SVEP1: variants seen among roughly 807,000 people sequenced by gnomAD.
The protein encoded by SVEP1 is sushi, von Willebrand factor type A, EGF and pentraxin domain containing 1, also known as sushi, von Willebrand factor type A, EGF and pentraxin domain-containing protein 1.
A neutral mutation model predicts 367.3 loss-of-function variants in SVEP1; 164 were observed. The observed-to-expected ratio is 0.45, with a 90% confidence interval of 0.39 to 0.51. The LOEUF is 0.51. SVEP1 is among the 20% of genes least tolerant of loss of function. The pLI, the probability that SVEP1 is intolerant of heterozygous loss-of-function variation, is 0.00. For missense variants in SVEP1, 4,117 were observed against 4,425.3 expected, an observed-to-expected ratio of 0.93 and a Z score of 1.98; for synonymous variants, 1,666 against 1,611.6, an observed-to-expected ratio of 1.03 and a Z score of -0.81.
At chr9:110,484,377 G>A (rs1829245344) in intron 9 of SVEP1, among the ~76,000 whole-genome samples, 1 of 152,164 alleles carries the variant, frequency 6.6e-6, no homozygotes, top group Non-Finnish European at 1.5e-5. Flanking sequence ...CTGTGTTGCT[G>A]AGCACTGGAA....
At chr9:110,556,003 C>T (rs1362200025) in intron 1 of SVEP1, among the ~76,000 whole-genome samples, 1 of 152,272 alleles carries the variant, frequency 6.6e-6, no homozygotes, top group East Asian at 1.9e-4. Flanking sequence ...CTTTGTGAGA[C>T]ATTTAAGAAA....
intron 36 of SVEP1, among the ~76,000 whole-genome samples, chr9:110,423,168 T>TAAAAAAAAAAA: frequency 8.6e-4 from 89 of 103,582 alleles, no homozygotes; most frequent in Middle Eastern, 5.7e-3. Context: ...AAAAATAAAG[T>TAAAAAAAAAAA]AAAAAAAAAA....
chr9:110,491,345 T>C (rs1056554995), intron 8 of SVEP1, among the ~76,000 whole-genome samples: 6 of 152,022 alleles, frequency 3.9e-5, no homozygotes, highest in Non-Finnish European at 8.8e-5. Context: ...TTTTAAATTT[T>C]TTCTTTCAGA....
At chr9:110,515,276 CAA>C (rs1829784763) in intron 3 of SVEP1, among the ~76,000 whole-genome samples, 1 of 150,334 alleles carries the variant, frequency 6.7e-6, no homozygotes. Flanking sequence ...TGCAACCAAG[CAA>C]TGTGCATTTA....
At chr9:110,379,596 T>A in intron 43 of SVEP1, 79 bp from the exon 44 acceptor site, 1 of 1,424,794 alleles carries the variant, frequency 7.0e-7, no homozygotes, top group Non-Finnish European at 9.6e-7. Context: ...CAGAATGAAT[T>A]AAAGAGCAAA....
chr9:110,414,709 G>A (rs1352238929), intron 36 of SVEP1, among the ~76,000 whole-genome samples: 1 of 151,856 alleles, frequency 6.6e-6, no homozygotes, highest in African/African-American at 2.4e-5. Context: ...CATGTGCCTG[G>A]AGAGCTTTAT....
At position 110,375,464 on chromosome 9, in the gene SVEP1, CTAAAA is replaced by C; in HGVS notation, c.10505-6_10505-2del. ...TTCAGACAGGGAAGAATGCAGATTG[CTAAAA>C]AAAAAAAAAAAAAAAAAAAAAGGAG... On this transcript the variant is annotated splice_acceptor_variant and splice_polypyrimidine_tract_variant and intron_variant, in intron 45 of 47. Transcript: ENST00000374469. LOFTEE classifies it high-confidence loss of function. 1.0e-5 allele frequency: 4 copies of C among 399,080 alleles called. No individual in the cohort carries two copies. The highest frequency in any genetic ancestry group is 1.4e-5 in the Non-Finnish European group (4 of 294,602). The allele number at this position is 399,080 out of a possible 1,614,324, so 24.7% of individuals were successfully genotyped here. A position where few individuals can be genotyped will look rare whatever the true frequency, so the allele number is the denominator to read the frequency against.
At chr9:110,517,648 C>G (rs1295580498) in intron 3 of SVEP1, among the ~76,000 whole-genome samples, 2 of 146,582 alleles carry the variant, frequency 1.4e-5, no homozygotes, top group East Asian at 4.0e-4. Flanking sequence ...TGGTGCTTGA[C>G]TGTAGCCTCA....
Position 110,408,050 on chromosome 9 carries a change from C to T in SVEP1, c.7550G>A (p.Gly2517Glu). 6.2e-7 allele frequency: 1 copy of T among 1,613,940 alleles called. No individual in the cohort carries two copies. ...GKFSYTDLHYGQTVTYSCNRG... is the reference protein window; with the variant it reads ...GKFSYTDLHYEQTVTYSCNRG... ...GTTGCAAGAGTAGGTAACGGTCTGT[C>T]CATAGTGTAGGTCCGTGTAAGAGAA... The change falls in exon 38 of 48, where the codon GGA becomes GAA. Residue 2517 changes from glycine (G) to glutamate (E), a missense_variant. Transcript: ENST00000374469.
At chr9:110,532,288 G>A (rs1198792858) in intron 3 of SVEP1, among the ~76,000 whole-genome samples, 1 of 152,148 alleles carries the variant, frequency 6.6e-6, no homozygotes. Context: ...TATGGTAAGT[G>A]TGAACAGAGA....
intron 43 of SVEP1, among the ~76,000 whole-genome samples, chr9:110,380,131 G>A (rs1325059610): frequency 6.6e-6 from 1 of 152,130 alleles, no homozygotes; most frequent in Non-Finnish European, 1.5e-5. Flanking sequence ...TTTGGGATCT[G>A]TGATAGATTG....
At chr9:110,524,031 C>A (rs1476638384) in intron 3 of SVEP1, among the ~76,000 whole-genome samples, 1 of 152,048 alleles carries the variant, frequency 6.6e-6, no homozygotes, top group Non-Finnish European at 1.5e-5. Flanking sequence ...ATGCACAGCT[C>A]TACTTACATA....
At position 110,504,799 on chromosome 9, in the gene SVEP1, T is replaced by C. The variant is rs971693764; in HGVS notation, c.1304-1582A>G. On this transcript the variant is annotated intron_variant, in intron 5 of 47. Coordinates refer to ENST00000374469, the MANE Select transcript of SVEP1 (RefSeq NM_153366.4). The stretch of plus-strand genomic sequence containing the variant: ...CAGCTATACACAATTTCTAATTCCA[T>C]CTGCCCAGCATCCATTAACTCTTCC... Among the ~76,000 whole-genome samples the C allele has an allele frequency of 5.3e-5, 8 of 152,170 alleles. No homozygotes were observed. In the East Asian group the frequency reaches 1.5e-3, roughly 29 times the overall value.
intron 27 of SVEP1, among the ~76,000 whole-genome samples, chr9:110,437,539 T>G (rs1194737646): frequency 6.6e-6 from 1 of 152,218 alleles, no homozygotes; most frequent in Non-Finnish European, 1.5e-5. Flanking sequence ...CTCTCCTGGT[T>G]TTCTTTGAAC....
intron 1 of SVEP1, among the ~76,000 whole-genome samples, chr9:110,562,066 G>A (rs960159647): frequency 3.3e-5 from 5 of 152,028 alleles, no homozygotes; most frequent in African/African-American, 1.2e-4. Flanking sequence ...TGGACCCATA[G>A]GGACAGTACA....
At chr9:110,467,636 CTT>C (rs11366981) in intron 17 of SVEP1, among the ~76,000 whole-genome samples, 125 of 133,868 alleles carry the variant, frequency 9.3e-4, no homozygotes, top group East Asian at 1.3e-3. Context: ...GTCTTTTTTA[CTT>C]TTTTTTTTTT....
intron 35 of SVEP1, among the ~76,000 whole-genome samples, chr9:110,428,674 T>C (rs1319513572): frequency 6.6e-6 from 1 of 152,280 alleles, no homozygotes; most frequent in East Asian, 1.9e-4. Context: ...TCTTGGGCAT[T>C]TACCATTAGC....
chr9:110,390,563 G>C (rs1028396292), intron 40 of SVEP1, among the ~76,000 whole-genome samples: 4 of 151,020 alleles, frequency 2.6e-5, no homozygotes, highest in African/African-American at 9.7e-5. Flanking sequence ...AAACTATTTG[G>C]TTCACATGAT....
intron 10 of SVEP1, 58 bp downstream of exon 10, chr9:110,483,528 T>C: frequency 7.7e-7 from 1 of 1,303,912 alleles, no homozygotes; most frequent in Non-Finnish European, 1.0e-6. Flanking sequence ...AAAAAGCTTT[T>C]TAAAATAAAA....
Sources: allele counts gnomAD v4.1 joint callset (sites outside exome capture counted in the v4.1 genomes callset), GRCh38; gene constraint gnomAD v4.1.1; transcripts MANE v1.5; gene names NCBI Gene and HGNC (gene_info 2026-07-23, HGNC 2026-07-21).